The following RNMT variants were observed in gnomAD, a reference collection of about 807,000 sequenced individuals.
The protein encoded by RNMT is mRNA cap guanine-N(7) methyltransferase.
RNMT carries 27 observed loss-of-function variants against 56.0 expected under a neutral mutation model. The ratio of observed to expected loss-of-function variants is 0.48; its 90% CI spans 0.36 to 0.67. The LOEUF is 0.67. Ranked by LOEUF, RNMT falls within the 30% of genes least tolerant of loss-of-function variation. The pLI, the probability that RNMT is intolerant of heterozygous loss-of-function variation, is 0.00. For synonymous variants in RNMT, 184 were observed against 176.2 expected, an observed-to-expected ratio of 1.04 and a Z score of -0.35; for missense variants, 519 against 552.1, an observed-to-expected ratio of 0.94 and a Z score of 0.60.
intron 9 of RNMT, among the ~76,000 whole-genome samples, chr18:13,748,357 T>TTTA (rs1465798042): frequency 2.0e-5 from 3 of 152,166 alleles, no homozygotes; most frequent in African/African-American, 7.2e-5. Context: ...CTTGACCAAG[T>TTTA]CACTCTGGTG....
In RNMT at chr18:13,761,869, C is replaced by T; in HGVS notation, c.*1890C>T. 1 of 1,211,004 alleles carries T rather than the reference C, an allele frequency of 8.3e-7. No individual in the cohort carries two copies. Among genetic ancestry groups the T allele is most frequent in the Non-Finnish European group, 1.0e-6 (1 of 969,962 alleles). The allele number at this position is 1,211,004 out of a possible 1,614,324, so 75.0% of individuals were successfully genotyped here. On this transcript the variant is annotated 3_prime_UTR_variant, in exon 12 of 12. Transcript: ENST00000383314. ...CCCCCCTCCCCCCGGCCCCAAGCCCCTGTGTCTCCTTGTTACAATTAAGTT... is the reference window on the plus strand; with the variant it reads ...CCCCCCTCCCCCCGGCCCCAAGCCCTTGTGTCTCCTTGTTACAATTAAGTT...
At chr18:13,736,285 G>C (rs2044156395) in intron 4 of RNMT, among the ~76,000 whole-genome samples, 3 of 152,184 alleles carry the variant, frequency 2.0e-5, no homozygotes, top group African/African-American at 7.2e-5. Flanking sequence ...AAGACAAGGA[G>C]AATGTATCTA....
At chr18:13,756,537 C>G (rs1218687333) in intron 11 of RNMT, among the ~76,000 whole-genome samples, 4 of 152,126 alleles carry the variant, frequency 2.6e-5, no homozygotes, top group African/African-American at 9.7e-5. Context: ...TGATGTGTTG[C>G]AAGTGCTGGG....
chr18:13,758,111 C>T (rs1414740755), intron 11 of RNMT, among the ~76,000 whole-genome samples: 1 of 152,194 alleles, frequency 6.6e-6, no homozygotes, highest in African/African-American at 2.4e-5. Flanking sequence ...AACAGATATG[C>T]TGTCATCCAG....
chr18:13,734,313 A>T, intron 3 of RNMT, 151 bp from the exon 4 acceptor site: 2 of 625,074 alleles, frequency 3.2e-6, no homozygotes, highest in Non-Finnish European at 2.6e-6. Flanking sequence ...AGGTCTAATG[A>T]TAATTAGTGA....
intron 5 of RNMT, among the ~76,000 whole-genome samples, chr18:13,739,950 T>C (rs1474336561): frequency 3.9e-5 from 6 of 152,246 alleles, no homozygotes; most frequent in African/African-American, 1.2e-4. Context: ...GATAGAACTT[T>C]TATAGCGTCC....
At chr18:13,745,983 T>G (rs554302322) in intron 8 of RNMT, among the ~76,000 whole-genome samples, 1 of 152,202 alleles carries the variant, frequency 6.6e-6, no homozygotes, top group Non-Finnish European at 1.5e-5. Context: ...TCTCATTTAC[T>G]TCCTGACCTT....
At chr18:13,732,034 A>C in intron 3 of RNMT, 100 bp downstream of exon 3, 1 of 966,822 alleles carries the variant, frequency 1.0e-6, no homozygotes, top group Non-Finnish European at 1.5e-6. Flanking sequence ...TAGCTTAAGA[A>C]TGTTCTATTT....
intron 8 of RNMT, 118 bp downstream of exon 8, chr18:13,742,770 C>T: frequency 1.3e-6 from 1 of 741,274 alleles, no homozygotes; most frequent in Non-Finnish European, 2.1e-6. Context: ...AAAGTATAAT[C>T]TTGTTTTTTT....
intron 3 of RNMT, among the ~76,000 whole-genome samples, chr18:13,733,710 T>G (rs1216879417): frequency 6.6e-6 from 1 of 152,190 alleles, no homozygotes; most frequent in Non-Finnish European, 1.5e-5. Context: ...CTTATTTAAT[T>G]TTCACAACAG....
intron 11 of RNMT, among the ~76,000 whole-genome samples, chr18:13,756,445 C>T (rs1049464021): frequency 1.3e-5 from 2 of 151,926 alleles, no homozygotes; most frequent in African/African-American, 4.8e-5. Flanking sequence ...TTTGGCAGGG[C>T]TGGGCTGCAC....
chr18:13,754,287 C>T, intron 11 of RNMT, 140 bp downstream of exon 11: 1 of 542,528 alleles, frequency 1.8e-6, no homozygotes, highest in East Asian at 3.2e-5. Context: ...CAGACAGATT[C>T]CTCGAGCCCA....
chr18:13,751,327 C>CA (rs367815371), intron 9 of RNMT, among the ~76,000 whole-genome samples: 3 of 152,198 alleles, frequency 2.0e-5, no homozygotes, highest in African/African-American at 7.2e-5. Flanking sequence ...AGACACTTCT[C>CA]AAAACACGAC....
intron 1 of RNMT, among the ~76,000 whole-genome samples, chr18:13,728,929 T>C (rs1424943220): frequency 6.6e-6 from 1 of 152,214 alleles, no homozygotes; most frequent in African/African-American, 2.4e-5. Context: ...TTCTCTAGGT[T>C]ATCTCTTCAC....
At position 13,732,762 on chromosome 18, in the gene RNMT, T is replaced by TTTTTTC. The variant is rs142277511; in HGVS notation, c.417+828_417+829insTTTTTC. Among the ~76,000 whole-genome samples, 37 of 98,674 alleles carry TTTTTTC rather than the reference T, an allele frequency of 3.7e-4. 10 individuals carry two copies. The highest frequency in any genetic ancestry group is 3.8e-4 in the Admixed American group (3 of 7,886). The allele number at this position is 98,674 out of a possible 152,430, so 64.7% of individuals were successfully genotyped here. On this transcript the variant is annotated intron_variant, in intron 3 of 11. Coordinates refer to ENST00000383314, the MANE Select transcript of RNMT (RefSeq NM_003799.3). ...CCCCCCTTTTTTTTTTTTTTTTTTTTGGAGACAGAGTCTCACTCTGTCTCC... is the reference window on the plus strand; with the variant it reads ...CCCCCCTTTTTTTTTTTTTTTTTTTTTTTTTCGGAGACAGAGTCTCACTCTGTCTCC...
chr18:13,741,452 A>T, intron 6 of RNMT, 58 bp from the exon 7 acceptor site: 1 of 1,226,706 alleles, frequency 8.2e-7, no homozygotes, highest in South Asian at 1.4e-5. Context: ...TTTACTAAAA[A>T]GTTTTTAATC....
At chr18:13,736,256 A>G (rs1268928010) in intron 4 of RNMT, among the ~76,000 whole-genome samples, 1 of 152,218 alleles carries the variant, frequency 6.6e-6, no homozygotes, top group East Asian at 1.9e-4. Flanking sequence ...CACACCTGAA[A>G]GTGTCCAGCT....
At chr18:13,738,029 C>T (rs965098939) in intron 5 of RNMT, among the ~76,000 whole-genome samples, 20 of 151,884 alleles carry the variant, frequency 1.3e-4, no homozygotes, top group South Asian at 8.3e-4. Context: ...CACCTTAGCC[C>T]GGTGGTTAGT....
At chr18:13,738,024 T>A (rs1250815593) in intron 5 of RNMT, among the ~76,000 whole-genome samples, 3 of 152,098 alleles carry the variant, frequency 2.0e-5, no homozygotes, top group Non-Finnish European at 4.4e-5. Flanking sequence ...TCAATCACCT[T>A]AGCCCGGTGG....
Sources: gnomAD v4.1 joint callset for allele counts (sites outside exome capture counted in the v4.1 genomes callset) on GRCh38, gnomAD v4.1.1 for gene constraint, MANE v1.5 for transcripts, NCBI Gene and HGNC (gene_info 2026-07-23, HGNC 2026-07-21) for gene names.